The following SPPL3 variants were observed in gnomAD, a reference collection of about 807,000 sequenced individuals.
SPPL3 encodes signal peptide peptidase-like 3.
In SPPL3, 5 loss-of-function variants were observed where a neutral mutation model predicts 42.4. The observed-to-expected ratio is 0.12, with a 90% CI of 0.06 to 0.25. The LOEUF (loss-of-function observed/expected upper bound fraction) is 0.25. Among genes scored for constraint, SPPL3 ranks in the 10% least tolerant of loss-of-function variants. SPPL3 has a pLI of 1.00. For synonymous variants in SPPL3, 195 were observed against 181.8 expected (o/e 1.07, Z -0.58); for missense variants, 235 against 489.0 (o/e 0.48, Z 4.90).
Position 120,782,774 on chromosome 12 carries a change from AAC to A in SPPL3, c.390-9_390-8del. 3.8e-6 allele frequency: 6 copies of A among 1,588,826 alleles called. No homozygotes were observed. Among genetic ancestry groups the A allele is most frequent in the Non-Finnish European group, 4.3e-6 (5 of 1,163,734 alleles). ...ACAGCAACCAAAGGAAATCCTGGAA[AAC>A]ACACAACACTTATTGGACAGTGGGC... On this transcript the variant is annotated splice_region_variant and splice_polypyrimidine_tract_variant and intron_variant, in intron 5 of 10. Transcript: ENST00000353487.
intron 3 of SPPL3, among the ~76,000 whole-genome samples, chr12:120,789,245 G>A (rs535512063): frequency 1.3e-5 from 2 of 151,902 alleles, no homozygotes; most frequent in African/African-American, 4.8e-5. Flanking sequence ...CTTGAGGTCA[G>A]GAGTTCAAGA....
At chr12:120,775,183 C>T (rs1259686140) in intron 6 of SPPL3, among the ~76,000 whole-genome samples, 1 of 152,186 alleles carries the variant, frequency 6.6e-6, no homozygotes, top group Non-Finnish European at 1.5e-5. Flanking sequence ...CAGAGTCTCA[C>T]TCTGTTGCCC....
Position 120,784,606 on chromosome 12 carries a change from AAC to A in SPPL3, c.191-15_191-14del, listed in dbSNP as rs1869654293. ...ATTGTTTGGATGCCTGAAAGAGAAA[AAC>A]AGACAGATTAATAACTTATTATGCA... On this transcript the variant is annotated splice_polypyrimidine_tract_variant and intron_variant, in intron 3 of 10. Transcript: ENST00000353487. 3.1e-6 allele frequency: 5 copies of A among 1,598,504 alleles called. No homozygotes were observed. The highest frequency in any genetic ancestry group is 2.7e-5 in the African/African-American group (2 of 73,658).
chr12:120,782,560 A>T, intron 6 of SPPL3, 95 bp downstream of exon 6: 2 of 962,028 alleles, frequency 2.1e-6, no homozygotes, highest in Non-Finnish European at 3.1e-6. Flanking sequence ...CTAAAAGTTT[A>T]TTGTAGTGAT....
In SPPL3 at chr12:120,808,308, T is replaced by G. The variant is rs1334581375; in HGVS notation, c.101+2501A>C. Reference sequence around the variant, plus strand: ...CCAGCCTGGTCTTGAACTCCTGGGCTCAGGGCATCTGCCTGCTTCAGCCTC... The same window carrying G: ...CCAGCCTGGTCTTGAACTCCTGGGCGCAGGGCATCTGCCTGCTTCAGCCTC... On this transcript the variant is annotated intron_variant, in intron 2 of 10. Transcript: ENST00000353487. Among the ~76,000 whole-genome samples, 2 of 152,116 alleles carry G rather than the reference T, an allele frequency of 1.3e-5. 1 individual carries two copies. Among genetic ancestry groups the G allele is most frequent in the Non-Finnish European group, 2.9e-5 (2 of 67,998 alleles).
At position 120,887,103 on chromosome 12, in the gene SPPL3, T is replaced by C. The variant is rs541983226; in HGVS notation, c.23+16742A>G. Among the ~76,000 whole-genome samples the C allele has an allele frequency of 7.9e-5, 12 of 151,874 alleles. No homozygotes were observed. In the South Asian group the frequency reaches 2.5e-3, roughly 32 times the overall value. ...ATTCTTGTGCCTCAGCCTCCCACCA[T>C]CACGCCCGGCTAATTTTTGTATTTT... On this transcript the variant is annotated intron_variant, in intron 1 of 10. Transcript: ENST00000353487.
intron 1 of SPPL3, among the ~76,000 whole-genome samples, chr12:120,820,358 CAGGCTGGAGTGCAA>C (rs1401064427): frequency 2.7e-5 from 4 of 148,432 alleles, no homozygotes; most frequent in Admixed American, 6.7e-5. Flanking sequence ...CTCTGTCGCC[CAGGCTGGAGTGCAA>C]TGGCACAACC....
chr12:120,803,092 CA>C (rs1413520169), intron 2 of SPPL3, among the ~76,000 whole-genome samples: 7 of 152,180 alleles, frequency 4.6e-5, no homozygotes, highest in African/African-American at 1.7e-4. Context: ...AGTTGCGATT[CA>C]CCTGAACAAC....
At chr12:120,796,845 T>G (rs1436692717) in intron 2 of SPPL3, among the ~76,000 whole-genome samples, 1 of 152,182 alleles carries the variant, frequency 6.6e-6, no homozygotes, top group Non-Finnish European at 1.5e-5. Flanking sequence ...TTCCTCCACT[T>G]TAGATGATTT....
At chr12:120,803,119 G>C (rs1416974619) in intron 2 of SPPL3, among the ~76,000 whole-genome samples, 1 of 152,190 alleles carries the variant, frequency 6.6e-6, no homozygotes, top group Non-Finnish European at 1.5e-5. Context: ...TCTTTTGATG[G>C]AAGGAAGCTG....
Position 120,789,782 on chromosome 12 carries a change from G to A in SPPL3, c.190+1687C>T, listed in dbSNP as rs142010806. 5.8e-5 allele frequency among the ~76,000 whole-genome samples: 7 copies of A among 120,254 alleles called. No individual in the cohort carries two copies. The South Asian group carries it at 1.5e-3, about 25-fold the overall frequency. 78.9% of individuals were successfully genotyped at this position (120,254 alleles called of 152,430 possible). ...AGAGGTTGCAGTGAGCTGAGATCACGTCATTGCACTCCAGCCTGAATGACA... is the reference window on the plus strand; with the variant it reads ...AGAGGTTGCAGTGAGCTGAGATCACATCATTGCACTCCAGCCTGAATGACA... On this transcript the variant is annotated intron_variant, in intron 3 of 10. Transcript: ENST00000353487.
At chr12:120,772,992 A>G (rs1869178239) in intron 6 of SPPL3, among the ~76,000 whole-genome samples, 1 of 152,246 alleles carries the variant, frequency 6.6e-6, no homozygotes, top group Non-Finnish European at 1.5e-5. Context: ...AAATAAATTC[A>G]TACAACCAAC....
intron 1 of SPPL3, among the ~76,000 whole-genome samples, chr12:120,891,202 T>TA (rs1171766771): frequency 1.3e-5 from 2 of 152,226 alleles, no homozygotes; most frequent in Non-Finnish European, 2.9e-5. Flanking sequence ...CATGGTTTTA[T>TA]AACCTTTGCT....
intron 1 of SPPL3, among the ~76,000 whole-genome samples, chr12:120,864,864 T>C (rs1190611412): frequency 6.6e-6 from 1 of 152,018 alleles, no homozygotes; most frequent in Admixed American, 6.6e-5. Context: ...CAAAGGAGTA[T>C]TTTTTTACGC....
Position 120,769,168 on chromosome 12 carries a change from G to A in SPPL3, c.503-109C>T, listed in dbSNP as rs550654607. 4 of 814,370 alleles carry A rather than the reference G, an allele frequency of 4.9e-6. No homozygotes were observed. The African/African-American group carries it at 5.2e-5, about 11-fold the overall frequency. 50.4% of individuals were successfully genotyped at this position (814,370 alleles called of 1,614,324 possible). A position where few individuals can be genotyped will look rare whatever the true frequency, so the allele number is the denominator to read the frequency against. Reference sequence around the variant, plus strand: ...GAGTTTGCAATTCCCTCAAAAATCAGGCAGCCCTAAGCTCCAGCTTCAGAA... The same window carrying A: ...GAGTTTGCAATTCCCTCAAAAATCAAGCAGCCCTAAGCTCCAGCTTCAGAA... On this transcript the variant is annotated intron_variant, in intron 6 of 10. Coordinates refer to ENST00000353487, the MANE Select transcript of SPPL3 (RefSeq NM_139015.5).
intron 10 of SPPL3, among the ~76,000 whole-genome samples, chr12:120,765,416 T>C (rs1868849867): frequency 6.6e-6 from 1 of 151,896 alleles, no homozygotes; most frequent in African/African-American, 2.4e-5. Context: ...GCTTCCTGAG[T>C]AGCTGGGATT....
intron 1 of SPPL3, chr12:120,901,866 T>C (rs1593019328): frequency 1.0e-6 from 1 of 984,228 alleles, no homozygotes; most frequent in Non-Finnish European, 1.2e-6. Context: ...AGGTCGTGTG[T>C]GTCCAACCTA....
At chr12:120,788,958 A>T (rs979644748) in intron 3 of SPPL3, among the ~76,000 whole-genome samples, 2 of 152,126 alleles carry the variant, frequency 1.3e-5, no homozygotes, top group Non-Finnish European at 2.9e-5. Flanking sequence ...TCATCCTTTC[A>T]ATCTGTAATA....
chr12:120,892,508 A>G (rs1873671124), intron 1 of SPPL3, among the ~76,000 whole-genome samples: 1 of 152,176 alleles, frequency 6.6e-6, no homozygotes, highest in African/African-American at 2.4e-5. Flanking sequence ...GAGGCAGAAG[A>G]GTCACCGTAC....
Sources: gnomAD v4.1 joint callset for allele counts (sites outside exome capture counted in the v4.1 genomes callset) on GRCh38, gnomAD v4.1.1 for gene constraint, MANE v1.5 for transcripts, NCBI Gene and HGNC (gene_info 2026-07-23, HGNC 2026-07-21) for gene names.